Variants in GRIK3 observed in about 807,000 individuals in gnomAD.
GRIK3 encodes the protein glutamate receptor ionotropic, kainate 3.
GRIK3 carries 29 observed loss-of-function variants against 102.5 expected under a neutral mutation model. The ratio of observed to expected loss-of-function variants is 0.28; its 90% CI spans 0.21 to 0.39. The LOEUF is 0.39. Ranked by LOEUF, GRIK3 falls within the 10% of genes least tolerant of loss-of-function variation. The probability of loss-of-function intolerance (pLI) is 1.00; values close to 1 mark genes in which losing one functional copy is unlikely to be tolerated. For synonymous variants in GRIK3, 511 were observed against 504.9 expected, an observed-to-expected ratio of 1.01 and a Z score of -0.16; for missense variants, 908 against 1,252.4, an observed-to-expected ratio of 0.73 and a Z score of 4.15.
chr1:36,844,854 A>T (rs1312505793), intron 9 of GRIK3, among the ~76,000 whole-genome samples: 1 of 152,176 alleles, frequency 6.6e-6, no homozygotes, highest in Non-Finnish European at 1.5e-5. Flanking sequence ...ATCAAAGGTT[A>T]AAACTCATGG....
chr1:36,896,697 G>A (rs1267161337), intron 1 of GRIK3, among the ~76,000 whole-genome samples: 2 of 152,106 alleles, frequency 1.3e-5, no homozygotes, highest in South Asian at 2.1e-4. Context: ...AGGTCTAAAT[G>A]CATCAACTAA....
chr1:36,930,648 AG>A (rs1641577264), intron 1 of GRIK3, among the ~76,000 whole-genome samples: 2 of 152,318 alleles, frequency 1.3e-5, no homozygotes, highest in South Asian at 4.1e-4. Context: ...AACTGTCCAC[AG>A]GCCTGACCAC....
Position 36,806,716 on chromosome 1 carries a change from A to G in GRIK3, c.2092-390T>C, listed in dbSNP as rs1376389773. 6.6e-6 allele frequency among the ~76,000 whole-genome samples: 1 copy of G among 152,228 alleles called. No individual in the cohort carries two copies. The highest frequency in any genetic ancestry group is 1.5e-5 in the Non-Finnish European group (1 of 68,044). On this transcript the variant is annotated intron_variant, in intron 13 of 15. Transcript: ENST00000373091. The surrounding 1 kb of genome is among the most constrained non-coding windows in gnomAD (Gnocchi z 4.0). Reference sequence around the variant, plus strand: ...TTCACAGCGCTCACAGGAGGCAGGCACCATCACAAGCCCCATTTTACAAAT... The same window carrying G: ...TTCACAGCGCTCACAGGAGGCAGGCGCCATCACAAGCCCCATTTTACAAAT...
At chr1:36,916,217 T>C (rs543171495) in intron 1 of GRIK3, among the ~76,000 whole-genome samples, 138 of 152,230 alleles carry the variant, frequency 9.1e-4, no homozygotes, top group Non-Finnish European at 1.3e-3. Flanking sequence ...AGAGAGATGA[T>C]TTAGTGTATC....
At position 36,798,949 on chromosome 1, in the gene GRIK3, T is replaced by C. The variant is rs924698355; in HGVS notation, c.*2902A>G. 6.6e-6 allele frequency: 1 copy of C among 152,250 alleles called. No individual in the cohort carries two copies. The highest frequency in any genetic ancestry group is 1.5e-5 in the Non-Finnish European group (1 of 68,048). The allele number at this position is 152,250 out of a possible 1,614,324, so 9.4% of individuals were successfully genotyped here. The stretch of plus-strand genomic sequence containing the variant: ...CTTCTTCCTCCTGTCACAATCCACA[T>C]ATATGCATAGCCTCTGAAGAACATG... On this transcript the variant is annotated 3_prime_UTR_variant, in exon 16 of 16. Coordinates refer to ENST00000373091, the MANE Select transcript of GRIK3 (RefSeq NM_000831.4).
At position 36,842,091 on chromosome 1, in the gene GRIK3, A is replaced by G; in HGVS notation, c.1327-152T>C. Reference sequence around the variant, plus strand: ...AAGGGCCCGTGAAGTCAGGAGCGGGAAAGCACATGTCCTGAGAGCCAGCTG... The same window carrying G: ...AAGGGCCCGTGAAGTCAGGAGCGGGGAAGCACATGTCCTGAGAGCCAGCTG... On this transcript the variant is annotated intron_variant, in intron 9 of 15. Coordinates refer to ENST00000373091, the MANE Select transcript of GRIK3 (RefSeq NM_000831.4). 1.0e-5 allele frequency: 7 copies of G among 674,928 alleles called. No homozygotes were observed. In the South Asian group the frequency reaches 1.0e-4, roughly 10 times the overall value. 41.8% of individuals were successfully genotyped at this position (674,928 alleles called of 1,614,324 possible). A position where few individuals can be genotyped will look rare whatever the true frequency, so the allele number is the denominator to read the frequency against.
chr1:36,876,124 T>G (rs1172092379), intron 3 of GRIK3, among the ~76,000 whole-genome samples: 5 of 152,158 alleles, frequency 3.3e-5, no homozygotes, highest in African/African-American at 1.2e-4. Flanking sequence ...ACCTATAATC[T>G]CAGTGCTTTG....
chr1:37,001,568 C>T (rs1244992106), intron 1 of GRIK3, among the ~76,000 whole-genome samples: 2 of 151,948 alleles, frequency 1.3e-5, no homozygotes, highest in South Asian at 4.1e-4. Flanking sequence ...AGAGGCCTGG[C>T]CATTTGCTCA....
At chr1:36,848,241 C>T (rs895629188) in intron 9 of GRIK3, among the ~76,000 whole-genome samples, 3 of 152,130 alleles carry the variant, frequency 2.0e-5, no homozygotes, top group Admixed American at 6.5e-5. Context: ...ATTTTGTATC[C>T]TTTTGGTATA....
chr1:36,942,658 C>A (rs1641738822), intron 1 of GRIK3, among the ~76,000 whole-genome samples: 1 of 151,780 alleles, frequency 6.6e-6, no homozygotes. Flanking sequence ...GGGCCAAACC[C>A]CACCCCCAAC....
chr1:36,977,504 G>T (rs1413203441), intron 1 of GRIK3, among the ~76,000 whole-genome samples: 1 of 152,168 alleles, frequency 6.6e-6, no homozygotes, highest in East Asian at 1.9e-4. Context: ...CAATTAACAG[G>T]CTCTGTCTTC....
At chr1:36,971,953 C>T (rs111807039) in intron 1 of GRIK3, among the ~76,000 whole-genome samples, 5 of 152,284 alleles carry the variant, frequency 3.3e-5, no homozygotes, top group African/African-American at 7.2e-5. Context: ...AGTGCTTCTG[C>T]GGCAGAACCA....
At chr1:37,021,017 T>C (rs1557466277) in intron 1 of GRIK3, among the ~76,000 whole-genome samples, 1 of 152,138 alleles carries the variant, frequency 6.6e-6, no homozygotes, top group Non-Finnish European at 1.5e-5. Flanking sequence ...TTTCACAGGT[T>C]GGTTTTTCCA....
At chr1:36,921,376 G>A (rs1424310192) in intron 1 of GRIK3, among the ~76,000 whole-genome samples, 1 of 152,176 alleles carries the variant, frequency 6.6e-6, no homozygotes, top group African/African-American at 2.4e-5. Context: ...CTACAGATCT[G>A]GGGGATGATC....
chr1:36,933,084 CT>C (rs533549620), intron 1 of GRIK3, among the ~76,000 whole-genome samples: 238 of 152,158 alleles, frequency 1.6e-3, no homozygotes, highest in African/African-American at 4.7e-3. Context: ...TCTGAGCTAT[CT>C]TTTTTTTGTG....
chr1:36,909,596 C>T (rs879556475), intron 1 of GRIK3, among the ~76,000 whole-genome samples: 4 of 152,188 alleles, frequency 2.6e-5, no homozygotes, highest in East Asian at 1.9e-4. Context: ...CCACTGCGCC[C>T]GGCCTTTTTT....
At chr1:36,979,064 T>C (rs3820274) in intron 1 of GRIK3, among the ~76,000 whole-genome samples, 23,576 of 152,238 alleles carry the variant, frequency 0.15, 2,534 homozygotes, top group African/African-American at 0.31. Context: ...TACCTTACAA[T>C]GTTGGAGCAG....
At chr1:36,823,103 G>A (rs540057940) in intron 11 of GRIK3, among the ~76,000 whole-genome samples, 1 of 152,284 alleles carries the variant, frequency 6.6e-6, no homozygotes, top group South Asian at 2.1e-4. Context: ...CCAGCAGCCA[G>A]CATGGTCACC....
chr1:36,811,649 C>T (rs1214560676), intron 13 of GRIK3, among the ~76,000 whole-genome samples: 4 of 152,132 alleles, frequency 2.6e-5, no homozygotes, highest in Admixed American at 2.6e-4. Flanking sequence ...CTCCAGTGTG[C>T]TCCAGTTAAG....
Sources: gnomAD v4.1 joint callset for allele counts (sites outside exome capture counted in the v4.1 genomes callset) on GRCh38, gnomAD v4.1.1 for gene constraint, Gnocchi (gnomAD v3.1) non-coding constraint, MANE v1.5 for transcripts, NCBI Gene and HGNC (gene_info 2026-07-23, HGNC 2026-07-21) for gene names.